The following PTPN14 variants were observed in gnomAD, a reference collection of about 807,000 sequenced individuals.
PTPN14 encodes tyrosine-protein phosphatase non-receptor type 14.
Under a neutral mutation model 126.8 loss-of-function variants are expected in PTPN14, and 53 were observed. The observed-to-expected ratio is 0.42, with a 90% CI of 0.34 to 0.53. PTPN14 has a LOEUF of 0.53. Among genes scored for constraint, PTPN14 ranks in the 20% least tolerant of loss-of-function variants. PTPN14 has a pLI of 0.08. For synonymous variants in PTPN14, 630 were observed against 599.3 expected (o/e 1.05, Z -0.75); for missense variants, 1,257 against 1,552.9 (o/e 0.81, Z 3.20).
At chr1:214,511,936 C>A (rs774379927) in intron 1 of PTPN14, among the ~76,000 whole-genome samples, 3 of 151,944 alleles carry the variant, frequency 2.0e-5, no homozygotes, top group Non-Finnish European at 4.4e-5. Flanking sequence ...TGTTTGGCAT[C>A]CATCACAGGG....
chr1:214,535,023 G>A (rs114208390), intron 1 of PTPN14, among the ~76,000 whole-genome samples: 3,036 of 151,832 alleles, frequency 0.02, 83 homozygotes, highest in African/African-American at 0.07. Flanking sequence ...ATATAGTAGC[G>A]GATATAGCAA....
rs1475462322 is a variant in PTPN14 at position 214,383,923 on chromosome 1, C to T, written c.1932G>A (p.Glu644=). 2 of 1,613,472 alleles carry T rather than the reference C, an allele frequency of 1.2e-6. No individual in the cohort carries two copies. Among genetic ancestry groups the T allele is most frequent in the East Asian group, 2.2e-5 (1 of 44,862 alleles). The part of the protein sequence containing the change: ...HGTVNKRHSL[E]VMNSMVRGME... ...TGCCCCGCACCATGCTGTTCATCAC[C>T]TCCAGGCTGTGGCGCTTGTTCACAG... The change falls in exon 13 of 19, where the codon GAG becomes GAA. Residue 644 remains glutamate (E), a synonymous_variant. Transcript: ENST00000366956. This position sits in a 1 kb window ranked among gnomAD's most constrained non-coding sequence, Gnocchi z 4.4.
At chr1:214,447,328 T>C (rs1660167941) in intron 3 of PTPN14, among the ~76,000 whole-genome samples, 1 of 152,088 alleles carries the variant, frequency 6.6e-6, no homozygotes, top group Non-Finnish European at 1.5e-5. Context: ...TCTTAAGGAC[T>C]GTAGCATTTT....
At chr1:214,520,065 A>AAAAAAAAAAAAAAAAAATATATATAT in intron 1 of PTPN14, among the ~76,000 whole-genome samples, 4 of 71,136 alleles carry the variant, frequency 5.6e-5, no homozygotes, top group Non-Finnish European at 9.5e-5. Flanking sequence ...AAAAAAAAAA[A>AAAAAAAAAAAAAAAAAATATATATAT]ATATATATAT....
At position 214,418,730 on chromosome 1, in the gene PTPN14, A is replaced by T. The variant is rs376957223; in HGVS notation, c.345-4004T>A. 9.8e-5 allele frequency among the ~76,000 whole-genome samples: 15 copies of T among 152,380 alleles called. No homozygotes were observed. In the East Asian group the frequency reaches 1.2e-3, roughly 12 times the overall value. ...TTGAAATGAGAAACTTTTCCATAAA[A>T]ATCCTATTACAGGACATGTTTCATA... is the stretch of plus-strand genomic sequence containing the variant. On this transcript the variant is annotated intron_variant, in intron 3 of 18. Coordinates refer to ENST00000366956, the MANE Select transcript of PTPN14 (RefSeq NM_005401.5).
chr1:214,533,640 G>A (rs1311711475), intron 1 of PTPN14, among the ~76,000 whole-genome samples: 1 of 151,970 alleles, frequency 6.6e-6, no homozygotes, highest in Non-Finnish European at 1.5e-5. Flanking sequence ...GACCATCCTG[G>A]CTAACACGGT....
At chr1:214,472,322 C>T (rs1401698766) in intron 1 of PTPN14, among the ~76,000 whole-genome samples, 3 of 152,074 alleles carry the variant, frequency 2.0e-5, no homozygotes, top group Non-Finnish European at 4.4e-5. Flanking sequence ...CTTGCCCCCT[C>T]CTCTCCTGCC....
chr1:214,410,300 C>T (rs200659557), intron 5 of PTPN14, among the ~76,000 whole-genome samples: 2,639 of 135,036 alleles, frequency 0.02, 75 homozygotes, highest in African/African-American at 0.064. Flanking sequence ...TTTTTTTTTT[C>T]TTTTTTTTTT....
At chr1:214,375,110 C>A (rs1308723932) in intron 15 of PTPN14, among the ~76,000 whole-genome samples, 1 of 152,098 alleles carries the variant, frequency 6.6e-6, no homozygotes, top group African/African-American at 2.4e-5. Context: ...TTTTATATTT[C>A]TTTTGACAGT....
chr1:214,511,486 CA>C (rs112523413), intron 1 of PTPN14, among the ~76,000 whole-genome samples: 218 of 124,682 alleles, frequency 1.7e-3, no homozygotes, highest in Admixed American at 2.2e-3. Flanking sequence ...TGGCCCTTAT[CA>C]AAAAAAAAAA....
At chr1:214,447,424 G>C (rs1199270119) in intron 3 of PTPN14, among the ~76,000 whole-genome samples, 1 of 151,848 alleles carries the variant, frequency 6.6e-6, no homozygotes, top group Non-Finnish European at 1.5e-5. Flanking sequence ...GTCCAAACCA[G>C]ATCTCCTTTA....
chr1:214,533,035 G>C, intron 1 of PTPN14: 1 of 748,960 alleles, frequency 1.3e-6, no homozygotes, highest in South Asian at 1.4e-5. Flanking sequence ...CACCCAGTCC[G>C]CCCAGGTTGG....
chr1:214,411,905 T>C (rs1659318558), intron 4 of PTPN14, among the ~76,000 whole-genome samples, 154 bp from the exon 5 acceptor site: 1 of 152,222 alleles, frequency 6.6e-6, no homozygotes, highest in African/African-American at 2.4e-5. Flanking sequence ...TTTGACATAG[T>C]TACTTTTATC....
intron 3 of PTPN14, among the ~76,000 whole-genome samples, chr1:214,445,981 C>A (rs532662272): frequency 6.6e-6 from 1 of 152,268 alleles, no homozygotes; most frequent in South Asian, 2.1e-4. Context: ...GCTCAAGAGT[C>A]CCTTTGCTGG....
intron 1 of PTPN14, among the ~76,000 whole-genome samples, chr1:214,469,907 TTTAAAAAA>T (rs1484405311): frequency 2.6e-5 from 4 of 151,876 alleles, no homozygotes; most frequent in Admixed American, 2.6e-4. Flanking sequence ...CGAGTCTATT[TTTAAAAAA>T]TAAACAGAAA....
rs768464771 is a variant in PTPN14, at chr1:214,384,099, G to A, written c.1756C>T (p.Arg586Cys). 1.3e-5 allele frequency: 20 copies of A among 1,573,208 alleles called. No individual in the cohort carries two copies. The highest frequency in any genetic ancestry group is 3.5e-5 in the Admixed American group (2 of 57,948). The change falls in exon 13 of 19, where the codon CGC becomes TGC. Residue 586 changes from arginine (R) to cysteine (C), a missense_variant. Coordinates refer to ENST00000366956, the MANE Select transcript of PTPN14 (RefSeq NM_005401.5). The surrounding 1 kb of genome is among the most constrained non-coding windows in gnomAD (Gnocchi z 5.3). ...ATSTPDLASH[R>C]HKYVSGSSPD... ...CTGCTGCCGCTGACGTACTTGTGGC[G>A]GTGGCTGGCCAGGTCTGGGGTGCTG...
chr1:214,480,812 G>A (rs1660967470), intron 1 of PTPN14, among the ~76,000 whole-genome samples: 1 of 152,054 alleles, frequency 6.6e-6, no homozygotes, highest in Non-Finnish European at 1.5e-5. Flanking sequence ...TATTCCCACA[G>A]CACATAATAT....
intron 13 of PTPN14, among the ~76,000 whole-genome samples, chr1:214,379,724 C>T (rs1498358): frequency 0.11 from 17,107 of 152,266 alleles, 1,102 homozygotes; most frequent in South Asian, 0.18. Flanking sequence ...AACCATTTGC[C>T]TCTCACCTAC....
intron 5 of PTPN14, among the ~76,000 whole-genome samples, chr1:214,404,494 A>T (rs970632924): frequency 6.6e-6 from 1 of 152,218 alleles, no homozygotes; most frequent in African/African-American, 2.4e-5. Flanking sequence ...AAACCCCATT[A>T]ATTTTGAAAA....
Sources: allele counts gnomAD v4.1 joint callset (sites outside exome capture counted in the v4.1 genomes callset), GRCh38; gene constraint gnomAD v4.1.1; non-coding constraint Gnocchi (gnomAD v3.1); transcripts MANE v1.5; gene names NCBI Gene and HGNC (gene_info 2026-07-23, HGNC 2026-07-21).